Variants in TRPC5 observed in about 807,000 individuals in gnomAD.
TRPC5 encodes the protein short transient receptor potential channel 5.
TRPC5 carries 9 observed loss-of-function variants against 56.5 expected under a neutral mutation model. The observed-to-expected ratio is 0.16, with a 90% CI of 0.10 to 0.28. The LOEUF (loss-of-function observed/expected upper bound fraction) is 0.28. Ranked by LOEUF, TRPC5 falls within the 10% of genes least tolerant of loss-of-function variation. TRPC5 has a pLI of 1.00. For missense variants in TRPC5, 469 were observed against 748.9 expected, an observed-to-expected ratio of 0.63 and a Z score of 4.36; for synonymous variants, 282 against 278.5, an observed-to-expected ratio of 1.01 and a Z score of -0.13.
intron 7 of TRPC5, among the ~76,000 whole-genome samples, chrX:111,809,583 C>A (rs1300471482): frequency 2.7e-5 from 3 of 112,133 alleles, no homozygotes; most frequent in African/African-American, 6.5e-5. Flanking sequence ...TTTCTACCCT[C>A]TTCAGTGTCT....
In TRPC5 at chrX:112,025,575, T is replaced by C. The variant is rs756314780; in HGVS notation, c.-22+56304A>G. Among the ~76,000 whole-genome samples the C allele has an allele frequency of 2.0e-4, 22 of 111,765 alleles. 1 individual carries two copies. The highest frequency in any genetic ancestry group is 6.5e-4 in the African/African-American group (20 of 30,764). ...AGTCATGCCCCCATCACCTTTGACC[T>C]AGTTAAAACTTCCACTCTCCATGTG... On this transcript the variant is annotated intron_variant, in intron 1 of 10. Transcript: ENST00000262839.
intron 1 of TRPC5, among the ~76,000 whole-genome samples, chrX:111,962,526 T>G (rs1016937031): frequency 9.8e-5 from 11 of 112,301 alleles, no homozygotes; most frequent in Non-Finnish European, 1.7e-4. Flanking sequence ...TGCTGCAATC[T>G]CATAAAACTT....
chrX:112,003,075 C>G (rs1928739453), intron 1 of TRPC5, among the ~76,000 whole-genome samples: 1 of 111,244 alleles, frequency 9.0e-6, no homozygotes, highest in Non-Finnish European at 1.9e-5. Flanking sequence ...ATTCATTTCT[C>G]AGAGAGAGAG....
intron 1 of TRPC5, among the ~76,000 whole-genome samples, chrX:112,021,051 T>C (rs1351884175): frequency 9.1e-6 from 1 of 109,808 alleles, no homozygotes; most frequent in African/African-American, 3.3e-5. Flanking sequence ...CACAGGAGAA[T>C]GGAAGAAACT....
intron 2 of TRPC5, among the ~76,000 whole-genome samples, chrX:111,925,790 A>G (rs1298833052): frequency 1.8e-5 from 2 of 111,732 alleles, no homozygotes; most frequent in Non-Finnish European, 3.8e-5. Context: ...ATTCCCAGGG[A>G]GGTTAGAGAC....
In TRPC5 at chrX:112,077,183, C is replaced by T. The variant is rs1930854712; in HGVS notation, c.-22+4696G>A. Among the ~76,000 whole-genome samples, 3 of 111,217 alleles carry T rather than the reference C, an allele frequency of 2.7e-5. No homozygotes were observed. In the Admixed American group the frequency reaches 2.9e-4, roughly 11 times the overall value. On this transcript the variant is annotated intron_variant, in intron 1 of 10. Coordinates refer to ENST00000262839, the MANE Select transcript of TRPC5 (RefSeq NM_012471.3). ...CACAGCTAGTAATTCGTGAGCAGGGCCAGGATTTGAACTCAGGTCTGTGTG... is the reference window on the plus strand; with the variant it reads ...CACAGCTAGTAATTCGTGAGCAGGGTCAGGATTTGAACTCAGGTCTGTGTG...
intron 1 of TRPC5, among the ~76,000 whole-genome samples, chrX:111,999,365 G>A (rs1928636465): frequency 1.8e-5 from 2 of 111,312 alleles, no homozygotes; most frequent in Admixed American, 1.9e-4. Context: ...GAGAACATGG[G>A]ATATCTGTCT....
chrX:112,079,106 T>A (rs887287754), intron 1 of TRPC5, among the ~76,000 whole-genome samples: 4 of 111,538 alleles, frequency 3.6e-5, no homozygotes, highest in Non-Finnish European at 7.5e-5. Flanking sequence ...TGGCACAGAG[T>A]ACTTTGGGGA....
intron 1 of TRPC5, among the ~76,000 whole-genome samples, chrX:111,958,842 T>C (rs1368220205): frequency 8.9e-6 from 1 of 112,332 alleles, no homozygotes; most frequent in East Asian, 2.8e-4. Context: ...CAAGTGATGC[T>C]CAATAAAATT....
At chrX:112,030,721 T>A (rs1929565501) in intron 1 of TRPC5, among the ~76,000 whole-genome samples, 1 of 112,207 alleles carries the variant, frequency 8.9e-6, no homozygotes, top group African/African-American at 3.2e-5. Flanking sequence ...CCTATATAAT[T>A]GTTTAAGTAT....
At chrX:111,990,860 T>C (rs1928335098) in intron 1 of TRPC5, among the ~76,000 whole-genome samples, 1 of 111,694 alleles carries the variant, frequency 9.0e-6, no homozygotes, top group African/African-American at 3.3e-5. Context: ...CAAGGAAAAA[T>C]GTTTTCTCTG....
At chrX:112,040,008 T>A (rs762127581) in intron 1 of TRPC5, among the ~76,000 whole-genome samples, 29 of 112,158 alleles carry the variant, frequency 2.6e-4, no homozygotes, top group African/African-American at 8.1e-4. Flanking sequence ...TTCTTAATTA[T>A]AGTCCTTCAT....
At chrX:112,022,965 C>T (rs113494280) in intron 1 of TRPC5, among the ~76,000 whole-genome samples, 14 of 110,648 alleles carry the variant, frequency 1.3e-4, no homozygotes, top group African/African-American at 4.3e-4. Flanking sequence ...GACGGAGTCT[C>T]GCCCTGTCAC....
At chrX:111,904,634 G>T (rs895676472) in intron 3 of TRPC5, among the ~76,000 whole-genome samples, 1 of 110,602 alleles carries the variant, frequency 9.0e-6, no homozygotes, top group African/African-American at 3.3e-5. Flanking sequence ...GGCCTGTTGG[G>T]GGCTGGGGTG....
intron 1 of TRPC5, among the ~76,000 whole-genome samples, chrX:111,991,891 T>C (rs1928365201): frequency 8.9e-6 from 1 of 111,994 alleles, no homozygotes; most frequent in Non-Finnish European, 1.9e-5. Context: ...ATCTAATAAA[T>C]AATCTACATC....
chrX:111,799,410 T>A (rs1731167786), intron 7 of TRPC5, among the ~76,000 whole-genome samples: 1 of 111,361 alleles, frequency 9.0e-6, no homozygotes. Flanking sequence ...CCACTCAGAA[T>A]GCTGTGAGTT....
At chrX:111,966,124 C>G (rs922189097) in intron 1 of TRPC5, among the ~76,000 whole-genome samples, 4 of 111,090 alleles carry the variant, frequency 3.6e-5, no homozygotes, top group Non-Finnish European at 7.6e-5. Flanking sequence ...CAAATAGATG[C>G]AATAAAAAAT....
At chrX:111,798,191 A>G (rs1408627384) in intron 7 of TRPC5, among the ~76,000 whole-genome samples, 1 of 111,926 alleles carries the variant, frequency 8.9e-6, no homozygotes, top group Non-Finnish European at 1.9e-5. Context: ...ACATGGCACC[A>G]TTTGCAGTTG....
In TRPC5 at chrX:111,853,942, G is replaced by T. The variant is rs758216294; in HGVS notation, c.1065C>A (p.Asn355Lys). ...AGGGTTTCTTGATGAACAGCCCAAGGTTGCTCCTGGGTGAGATCAGGTAGG... is the reference window on the plus strand; with the variant it reads ...AGGGTTTCTTGATGAACAGCCCAAGTTTGCTCCTGGGTGAGATCAGGTAGG... Reference protein sequence around the residue: ...SIAYLISPRSNLGLFIKKPFI... With the variant: ...SIAYLISPRSKLGLFIKKPFI... The change falls in exon 4 of 11, where the codon AAC (asparagine) becomes AAA (lysine). Residue 355 changes from asparagine (N) to lysine (K), a missense_variant. By Grantham distance (94) the Asn-to-Lys change is moderately conservative. This residue lies in a region of TRPC5 where 157 missense variants were observed against 360.0 expected (regional missense o/e 0.44). Transcript: ENST00000262839. 2 of 1,211,770 alleles carry T rather than the reference G, an allele frequency of 1.7e-6. No individual in the cohort carries two copies. The highest frequency in any genetic ancestry group is 3.5e-5 in the South Asian group (2 of 56,966).
Sources: allele counts gnomAD v4.1 joint callset (sites outside exome capture counted in the v4.1 genomes callset), GRCh38; gene constraint gnomAD v4.1.1; regional missense constraint gnomAD v4.1.1; transcripts MANE v1.5; gene names NCBI Gene and HGNC (gene_info 2026-07-23, HGNC 2026-07-21).